FBXO34: variants seen among roughly 807,000 people sequenced by gnomAD.
FBXO34 encodes F-box protein 34.
A neutral mutation model predicts 24.5 loss-of-function variants in FBXO34; 12 were observed. The ratio of observed to expected loss-of-function variants is 0.49; its 90% CI spans 0.31 to 0.79. FBXO34 has a LOEUF of 0.79. Among genes scored for constraint, FBXO34 ranks in the 30% least tolerant of loss-of-function variants. FBXO34 has a pLI of 0.04. For synonymous variants in FBXO34, 320 were observed against 311.9 expected (o/e 1.03, Z -0.27); for missense variants, 823 against 857.7 (o/e 0.96, Z 0.51).
chr14:55,380,875 A>ATATATAT, the FBXO34 span, among the ~76,000 whole-genome samples: 433 of 112,670 alleles, frequency 3.8e-3, 4 homozygotes, highest in Middle Eastern at 9.4e-3. Context: ...ATATATATAT[A>ATATATAT]TTTTTTTTTT....
chr14:55,441,588 C>A, the FBXO34 span, among the ~76,000 whole-genome samples: 2 of 152,224 alleles, frequency 1.3e-5, no homozygotes, highest in East Asian at 1.9e-4. Context: ...CTGAGCGTTC[C>A]GTCTAAAGCC....
At chr14:55,396,223 T>C in the FBXO34 span, among the ~76,000 whole-genome samples, 1 of 152,230 alleles carries the variant, frequency 6.6e-6, no homozygotes, top group Non-Finnish European at 1.5e-5. Flanking sequence ...TAAATCTGCC[T>C]AACAGTCTTA....
At chr14:55,277,576 G>A (rs1254339315) in intron 1 of FBXO34, among the ~76,000 whole-genome samples, 2 of 152,082 alleles carry the variant, frequency 1.3e-5, no homozygotes, top group African/African-American at 4.8e-5. Flanking sequence ...ATAGTGTACT[G>A]CAGCCTTGAA....
At chr14:55,295,387 ATTTT>A (rs3051307) in intron 1 of FBXO34, among the ~76,000 whole-genome samples, 3 of 91,378 alleles carry the variant, frequency 3.3e-5, no homozygotes, top group African/African-American at 5.0e-5. Flanking sequence ...ATTCTTTTCT[ATTTT>A]TTTTTTTTTT....
chr14:55,385,864 A>G, the FBXO34 span: 1 of 1,609,574 alleles, frequency 6.2e-7, no homozygotes, highest in Non-Finnish European at 8.5e-7. Flanking sequence ...TGTACCTCAC[A>G]CCCGTCTTTA....
chr14:55,276,796 T>G (rs1408228587), intron 1 of FBXO34, among the ~76,000 whole-genome samples: 2 of 152,172 alleles, frequency 1.3e-5, no homozygotes, highest in Non-Finnish European at 2.9e-5. Context: ...TCAGACGAAT[T>G]CTTGGGGACT....
chr14:55,353,324 A>G lies in FBXO34; in HGVS notation c.*798A>G, dbSNP rs1430100038. The G allele has an allele frequency of 1.2e-5, 2 of 167,032 alleles. No individual in the cohort carries two copies. Among genetic ancestry groups the G allele is most frequent in the Admixed American group, 1.3e-4 (2 of 15,278 alleles). 10.3% of individuals were successfully genotyped at this position (167,032 alleles called of 1,614,324 possible). A position where few individuals can be genotyped will look rare whatever the true frequency, so the allele number is the denominator to read the frequency against. ...TCTTAAATTTGTACATCTTGTATAA[A>G]ATATGAATGTTTCCCAAATAAACTA... On this transcript the variant is annotated 3_prime_UTR_variant, in exon 2 of 2. Coordinates refer to ENST00000313833, the MANE Select transcript of FBXO34 (RefSeq NM_017943.4).
chr14:55,297,237 A>G lies in FBXO34; in HGVS notation c.-11+25700A>G, dbSNP rs576227445. Among the ~76,000 whole-genome samples, 3 of 152,270 alleles carry G rather than the reference A, an allele frequency of 2.0e-5. No individual in the cohort carries two copies. The South Asian group carries it at 6.2e-4, about 32-fold the overall frequency. On this transcript the variant is annotated intron_variant, in intron 1 of 1. Transcript: ENST00000313833. ...TGGGGCTGCTTTTCATTAAAAGGGA[A>G]ACCTTACTGAGGACTCCCGTACCCT...
the FBXO34 span, among the ~76,000 whole-genome samples, chr14:55,400,199 A>T: frequency 6.6e-6 from 1 of 152,192 alleles, no homozygotes; most frequent in Admixed American, 6.5e-5. Flanking sequence ...CCCACCACTC[A>T]CAGAAGGAGA....
At chr14:55,397,111 C>A in the FBXO34 span, among the ~76,000 whole-genome samples, 45,507 of 152,044 alleles carry the variant, frequency 0.3, 7,163 homozygotes, top group East Asian at 0.35. Flanking sequence ...TGGACCCACA[C>A]ATCAATTATC....
the FBXO34 span, among the ~76,000 whole-genome samples, chr14:55,381,145 A>G: frequency 6.6e-6 from 1 of 151,940 alleles, no homozygotes; most frequent in Non-Finnish European, 1.5e-5. Flanking sequence ...TCGATCATTT[A>G]CTTGCTTCCT....
At chr14:55,317,712 A>G (rs1195435998) in intron 1 of FBXO34, among the ~76,000 whole-genome samples, 1 of 152,182 alleles carries the variant, frequency 6.6e-6, no homozygotes, top group Non-Finnish European at 1.5e-5. Flanking sequence ...AGCAAATACT[A>G]CAAACAACTG....
At chr14:55,296,536 AG>A (rs1471163290) in intron 1 of FBXO34, among the ~76,000 whole-genome samples, 1 of 151,182 alleles carries the variant, frequency 6.6e-6, no homozygotes, top group African/African-American at 2.4e-5. Flanking sequence ...CTGGAATTAC[AG>A]GCGCCTGCCA....
Position 55,325,634 on chromosome 14 carries a change from C to T in FBXO34, c.-10-24747C>T, listed in dbSNP as rs111636545. Among the ~76,000 whole-genome samples the T allele has an allele frequency of 8.5e-3, 1,297 of 152,236 alleles. 23 individuals are homozygous for T. Among genetic ancestry groups the T allele is most frequent in the African/African-American group, 0.03 (1,242 of 41,524 alleles). ...GGGATTACAGGCATGTGCCACCACG[C>T]CCGGCTAATTTTGTATTTTTAGTAG... On this transcript the variant is annotated intron_variant, in intron 1 of 1. Transcript: ENST00000313833.
At chr14:55,301,957 T>A (rs1882370802) in intron 1 of FBXO34, among the ~76,000 whole-genome samples, 1 of 152,172 alleles carries the variant, frequency 6.6e-6, no homozygotes, top group Admixed American at 6.5e-5. Flanking sequence ...TTAGATCAGT[T>A]CTAAGCATAT....
chr14:55,309,859 C>T (rs1882676779), intron 1 of FBXO34, among the ~76,000 whole-genome samples: 1 of 152,104 alleles, frequency 6.6e-6, no homozygotes, highest in Admixed American at 6.5e-5. Context: ...GCCTGTTATT[C>T]CATTCGTAAT....
the FBXO34 span, among the ~76,000 whole-genome samples, chr14:55,381,286 A>G: frequency 6.6e-6 from 1 of 152,238 alleles, no homozygotes; most frequent in East Asian, 1.9e-4. Flanking sequence ...ATGAACAAAG[A>G]ATCTTTCTCC....
At chr14:55,405,941 C>G in the FBXO34 span, among the ~76,000 whole-genome samples, 1 of 150,816 alleles carries the variant, frequency 6.6e-6, no homozygotes, top group African/African-American at 2.4e-5. Context: ...AGGTATTGTT[C>G]AGGACTGGGG....
intron 1 of FBXO34, among the ~76,000 whole-genome samples, chr14:55,305,886 T>A (rs1882527691): frequency 6.6e-6 from 1 of 152,258 alleles, no homozygotes; most frequent in Non-Finnish European, 1.5e-5. Flanking sequence ...TGATTTATCA[T>A]TGTTGAGGCT....
Sources: allele counts gnomAD v4.1 joint callset (sites outside exome capture counted in the v4.1 genomes callset), GRCh38; gene constraint gnomAD v4.1.1; transcripts MANE v1.5; gene names NCBI Gene and HGNC (gene_info 2026-07-23, HGNC 2026-07-21).